The following SLC39A5 variants were observed in gnomAD, a reference collection of about 807,000 sequenced individuals.
SLC39A5 encodes zinc transporter ZIP5.
SLC39A5 carries 42 observed loss-of-function variants against 46.9 expected under a neutral mutation model. The observed-to-expected ratio is 0.90, with a 90% CI of 0.70 to 1.16. The LOEUF (loss-of-function observed/expected upper bound fraction) is 1.16, where lower values mean the gene tolerates loss of function less well. Ranked by LOEUF, SLC39A5 falls within the 50% of genes most tolerant of loss-of-function variation. The probability of loss-of-function intolerance (pLI) is 0.00; values close to 1 mark genes in which losing one functional copy is unlikely to be tolerated. For missense variants in SLC39A5, 677 were observed against 686.8 expected, an observed-to-expected ratio of 0.99 and a Z score of 0.16; for synonymous variants, 311 against 323.1, an observed-to-expected ratio of 0.96 and a Z score of 0.40.
At position 56,230,055 on chromosome 12, in the gene SLC39A5, G is replaced by GC. The variant is rs11403568; in HGVS notation, c.-231dup. 124,211 of 145,554 alleles carry GC rather than the reference G, an allele frequency of 0.85. 55,884 individuals carry two copies. Among genetic ancestry groups the GC allele is most frequent in the East Asian group, 0.99 (4,827 of 4,870 alleles). 9.0% of individuals were successfully genotyped at this position (145,554 alleles called of 1,614,324 possible). A position where few individuals can be genotyped will look rare whatever the true frequency, so the allele number is the denominator to read the frequency against. ...GTGACCCTTGCCCGCCTGCCTGCCT[G>GC]CCCCCCCAGCTGGAACCAAGAAGGT... On this transcript the variant is annotated 5_prime_UTR_variant, in exon 1 of 13. Transcript: ENST00000454355.
rs1870186831 is a variant in SLC39A5, at chr12:56,231,333, G to A, written c.59G>A (p.Gly20Asp). ...GGCTTCTGTGTGTGGGTCGTCTTGG[G>A]CTGGGTAGGGGGCTCAGTCCCCAAC... ...LAGFCVWVVL[G>D]WVGGSVPNLG... The change falls in exon 4 of 13, where the codon GGC (glycine) becomes GAC (aspartate). Residue 20 changes from glycine (G) to aspartate (D), a missense_variant. Physicochemically the swap from Gly to Asp is moderately conservative, Grantham distance 94. Coordinates refer to ENST00000454355, the MANE Select transcript of SLC39A5 (RefSeq NM_173596.3). 1 of 1,613,364 alleles carries A rather than the reference G, an allele frequency of 6.2e-7. No homozygotes were observed. Among genetic ancestry groups the A allele is most frequent in the Admixed American group, 1.7e-5 (1 of 59,940 alleles).
At position 56,231,402 on chromosome 12, in the gene SLC39A5, T is replaced by C. The variant is rs765750080; in HGVS notation, c.128T>C (p.Leu43Pro). 2 of 1,614,114 alleles carry C rather than the reference T, an allele frequency of 1.2e-6. No homozygotes were observed. Among genetic ancestry groups the C allele is most frequent in the Non-Finnish European group, 1.7e-6 (2 of 1,180,012 alleles). The change falls in exon 4 of 13, where the codon CTG becomes CCG. Residue 43 changes from leucine (L) to proline (P), a missense_variant. Leu to Pro is a moderately conservative substitution (Grantham distance 98). Coordinates refer to ENST00000454355, the MANE Select transcript of SLC39A5 (RefSeq NM_173596.3). ...EQEQNHYLAQLFGLYGENGTL... is the reference protein window; with the variant it reads ...EQEQNHYLAQPFGLYGENGTL... ...GAGCAGAACCATTACCTGGCCCAGC[T>C]GTTTGGCCTGTACGGCGAGAATGGG...
chr12:56,236,289 T>C, intron 8 of SLC39A5, 107 bp from the exon 9 acceptor site: 2 of 973,960 alleles, frequency 2.1e-6, no homozygotes, highest in Non-Finnish European at 3.2e-6. Context: ...ACATCCCAGG[T>C]GCCAGAGGTG....
Position 56,237,810 on chromosome 12 carries a change from G to A in SLC39A5, c.*79G>A. On this transcript the variant is annotated 3_prime_UTR_variant, in exon 13 of 13. Transcript: ENST00000454355. ...TGGAGGCGGGACACAGGGCCAGTAG[G>A]AGCAATAGGATTTTAATAAACAGAA... 7 of 1,443,174 alleles carry A rather than the reference G, an allele frequency of 4.9e-6. No individual in the cohort carries two copies. Among genetic ancestry groups the A allele is most frequent in the Non-Finnish European group, 6.4e-6 (7 of 1,086,682 alleles). 89.4% of individuals were successfully genotyped at this position (1,443,174 alleles called of 1,614,324 possible).
rs71081337 is a variant in SLC39A5, at chr12:56,233,264, CAAAAAAAAAAAAAAAAAAAA to C, written c.471+410_471+429del. On this transcript the variant is annotated intron_variant, in intron 5 of 12. Transcript: ENST00000454355. ...GGGCAACAAGAGGGAGACTCTGTCT[CAAAAAAAAAAAAAAAAAAAA>C]AAAAAAAAAAAAAAAAATAGCTGGG... Among the ~76,000 whole-genome samples, 291 of 31,042 alleles carry C rather than the reference CAAAAAAAAAAAAAAAAAAAA, an allele frequency of 9.4e-3. 2 individuals are homozygous for C. The highest frequency in any genetic ancestry group is 0.063 in the South Asian group (35 of 558). The allele number at this position is 31,042 out of a possible 152,430, so 20.4% of individuals were successfully genotyped here. A position where few individuals can be genotyped will look rare whatever the true frequency, so the allele number is the denominator to read the frequency against.
Position 56,237,240 on chromosome 12 carries a change from C to A in SLC39A5, c.1379C>A (p.Ala460Glu), listed in dbSNP as rs1374011495. The stretch of plus-strand genomic sequence containing the variant: ...TCTGGAGCCCTGGGATTGGGGGGTG[C>A]AGTCCTGGGGGTGGGGCTCAGCCTG... Reference protein sequence around the residue: ...LVSGALGLGGAVLGVGLSLGP... With the variant: ...LVSGALGLGGEVLGVGLSLGP... The change falls in exon 12 of 13, where the codon GCA becomes GAA. Residue 460 changes from alanine (A) to glutamate (E), a missense_variant. Ala to Glu is a moderately radical substitution (Grantham distance 107). Transcript: ENST00000454355. 1 of 1,613,692 alleles carries A rather than the reference C, an allele frequency of 6.2e-7. No individual in the cohort carries two copies. Among genetic ancestry groups the A allele is most frequent in the Non-Finnish European group, 8.5e-7 (1 of 1,179,966 alleles).
intron 6 of SLC39A5, 82 bp downstream of exon 6, chr12:56,235,068 G>C: frequency 6.3e-7 from 1 of 1,590,040 alleles, no homozygotes; most frequent in South Asian, 1.1e-5. Context: ...CTGGGGTCCT[G>C]CCTCTCCTTG....
At chr12:56,232,446 G>A (rs1377390288) in intron 4 of SLC39A5, among the ~76,000 whole-genome samples, 3 of 152,062 alleles carry the variant, frequency 2.0e-5, no homozygotes, top group East Asian at 3.8e-4. Context: ...GATTACAGGC[G>A]TGAGCCACCG....
chr12:56,235,358 C>T (rs746229158), intron 7 of SLC39A5, 32 bp downstream of exon 7: 3 of 1,506,652 alleles, frequency 2.0e-6, no homozygotes, highest in Non-Finnish European at 1.8e-6. Context: ...TACCCCTGGC[C>T]TCCATGGATC....
At position 56,234,959 on chromosome 12, in the gene SLC39A5, C is replaced by G. The variant is rs1258879775; in HGVS notation, c.607C>G (p.Pro203Ala). Residue 203 changes from proline (P) to alanine (A), a missense_variant, in exon 6 of 13, where the codon CCT becomes GCT. By Grantham distance (27) the Pro-to-Ala change is conservative (BLOSUM62 -1). Coordinates refer to ENST00000454355, the MANE Select transcript of SLC39A5 (RefSeq NM_173596.3). ...CCGCGTCTGCATCGGCGCTCCGGCC[C>G]CTGCACCCCCAGGGGATCTACTATC... ...DSRVCIGAPAPAPPGDLLSAL... is the reference protein window; with the variant it reads ...DSRVCIGAPAAAPPGDLLSAL... 5 of 1,613,516 alleles carry G rather than the reference C, an allele frequency of 3.1e-6. No homozygotes were observed. The highest frequency in any genetic ancestry group is 3.4e-6 in the Non-Finnish European group (4 of 1,180,020).
chr12:56,237,539 G>A (rs769753149), intron 12 of SLC39A5, 49 bp from the exon 13 acceptor site: 5 of 1,611,102 alleles, frequency 3.1e-6, no homozygotes, highest in Non-Finnish European at 4.2e-6. Flanking sequence ...CTCTGGAGTT[G>A]AGAGGTCAGG....
intron 8 of SLC39A5, 118 bp downstream of exon 8, chr12:56,235,818 G>A: frequency 7.3e-7 from 1 of 1,361,594 alleles, no homozygotes; most frequent in Non-Finnish European, 1.0e-6. Flanking sequence ...CCCAAGGCGG[G>A]CAGATCACAA....
rs2135857722 is a variant in SLC39A5 at position 56,235,169 on chromosome 12, G to A, written c.647G>A (p.Ser216Asn). Residue 216 changes from serine (S) to asparagine (N), a missense_variant, in exon 7 of 13, where the codon AGT becomes AAT. By Grantham distance (46) the Ser-to-Asn change is conservative (BLOSUM62 1). Coordinates refer to ENST00000454355, the MANE Select transcript of SLC39A5 (RefSeq NM_173596.3). ...TGATTCTCCCCAGCCCTGCTTCAGA[G>A]TGCCCTGGCAGTCCTGTTGCTCAGC... The part of the protein sequence containing the change: ...PGDLLSALLQ[S>N]ALAVLLLSLP... 11 of 1,549,760 alleles carry A rather than the reference G, an allele frequency of 7.1e-6. No homozygotes were observed. The highest frequency in any genetic ancestry group is 8.7e-6 in the Non-Finnish European group (10 of 1,149,504).
At position 56,234,868 on chromosome 12, in the gene SLC39A5, C is replaced by G. The variant is rs749357865; in HGVS notation, c.516C>G (p.Pro172=). The change falls in exon 6 of 13, where the codon CCC becomes CCG. Residue 172 remains proline, a synonymous_variant. Coordinates refer to ENST00000454355, the MANE Select transcript of SLC39A5 (RefSeq NM_173596.3). ...SQLLVNFGLS[P]AAPLTPRQFA... ...TGCTGGTCAATTTTGGCTTGAGCCC[C>G]GCTGCTCCTCTGACCCCTCGTCAGT... The G allele has an allele frequency of 6.2e-7, 1 of 1,613,738 alleles. No individual in the cohort carries two copies. The highest frequency in any genetic ancestry group is 1.1e-5 in the South Asian group (1 of 91,084).
intron 12 of SLC39A5, 105 bp downstream of exon 12, chr12:56,237,445 G>T: frequency 6.5e-7 from 1 of 1,529,956 alleles, no homozygotes; most frequent in Non-Finnish European, 8.9e-7. Flanking sequence ...CTGGAAGGGC[G>T]TCAGACCATA....
chr12:56,235,463 A>G, intron 7 of SLC39A5, 97 bp from the exon 8 acceptor site: 1 of 1,525,758 alleles, frequency 6.6e-7, no homozygotes, highest in Non-Finnish European at 8.8e-7. Context: ...GCTGCCTTCT[A>G]GTAGAGCATA....
At position 56,233,167 on chromosome 12, in the gene SLC39A5, G is replaced by A. The variant is rs73129074; in HGVS notation, c.471+295G>A. 7.0e-3 allele frequency among the ~76,000 whole-genome samples: 1,040 copies of A among 149,174 alleles called. 4 individuals carry two copies. Among genetic ancestry groups the A allele is most frequent in the South Asian group, 0.013 (63 of 4,722 alleles). On this transcript the variant is annotated intron_variant, in intron 5 of 12. Coordinates refer to ENST00000454355, the MANE Select transcript of SLC39A5 (RefSeq NM_173596.3). Reference sequence around the variant, plus strand: ...AATCCTAGCTACTCAGGAGGCTGAGGTGAGAAAATTGCTTGAACTTGGGAG... The same window carrying A: ...AATCCTAGCTACTCAGGAGGCTGAGATGAGAAAATTGCTTGAACTTGGGAG...
chr12:56,235,435 T>A (rs1870646845), intron 7 of SLC39A5, 109 bp downstream of exon 7: 1 of 1,509,848 alleles, frequency 6.6e-7, no homozygotes, highest in African/African-American at 1.4e-5. Context: ...TACTCCCAGA[T>A]CCTGGCTTCA....
intron 8 of SLC39A5, 42 bp downstream of exon 8, chr12:56,235,742 TC>T (rs768577787): frequency 1.2e-5 from 20 of 1,611,546 alleles, no homozygotes; most frequent in Non-Finnish European, 1.7e-5. Flanking sequence ...GAGACCAGAG[TC>T]CCAGTCAAGA....
Sources: gnomAD v4.1 joint callset for allele counts (sites outside exome capture counted in the v4.1 genomes callset) on GRCh38, gnomAD v4.1.1 for gene constraint, MANE v1.5 for transcripts, NCBI Gene and HGNC (gene_info 2026-07-23, HGNC 2026-07-21) for gene names.